Variants in KCP observed in about 807,000 individuals in gnomAD.
KCP encodes the protein kielin cysteine rich BMP regulator.
A neutral mutation model predicts 212.7 loss-of-function variants in KCP; 194 were observed. The ratio of observed to expected loss-of-function variants is 0.91; its 90% confidence interval spans 0.81 to 1.03. KCP has a LOEUF of 1.03. Ranked by LOEUF, KCP falls within the 50% of genes least tolerant of loss-of-function variation. The pLI is 0.00. For synonymous variants in KCP, 833 were observed against 865.3 expected, an observed-to-expected ratio of 0.96 and a Z score of 0.65; for missense variants, 2,080 against 2,162.5, an observed-to-expected ratio of 0.96 and a Z score of 0.76.
At chr7:128,890,189 G>A (rs1794000298) in intron 21 of KCP, 154 bp downstream of exon 21, 1 of 1,425,368 alleles carries the variant, frequency 7.0e-7, no homozygotes, top group Non-Finnish European at 9.5e-7. Flanking sequence ...CAAATTGTCG[G>A]GGTCACAGGC....
At position 128,879,621 on chromosome 7, in the gene KCP, C is replaced by T. The variant is rs191884883; in HGVS notation, c.4047G>A (p.Val1349=). The change falls in exon 37 of 40, where the codon GTG becomes GTA. Residue 1349 remains valine, a splice_region_variant and synonymous_variant. Transcript: ENST00000610776. The part of the protein sequence containing the change: ...VRLLQDGAVT[V]DGHPVALPFL... ...AGGGCAAGGCCACCGGGTGCCCATCCACCTGGAGGATAAAGGAGGTGGGAG... is the reference window on the plus strand; with the variant it reads ...AGGGCAAGGCCACCGGGTGCCCATCTACCTGGAGGATAAAGGAGGTGGGAG... 251 of 1,550,574 alleles carry T rather than the reference C, an allele frequency of 1.6e-4. No individual in the cohort carries two copies. In the African/African-American group the frequency reaches 3.2e-3, roughly 20 times the overall value.
In KCP at chr7:128,904,261, G is replaced by A. The variant is rs541902385; in HGVS notation, c.572-123C>T. On this transcript the variant is annotated intron_variant, in intron 5 of 39. Coordinates refer to ENST00000610776, the MANE Select transcript of KCP (RefSeq NM_001366122.1). The stretch of plus-strand genomic sequence containing the variant: ...TGGGGTTGAAGGGATGGCGGGGCAG[G>A]GCAGGACAGGGCAGGAGGTCACCGG... 2.2e-5 allele frequency: 34 copies of A among 1,547,692 alleles called. No individual in the cohort carries two copies. In the East Asian group the frequency reaches 7.3e-4, roughly 33 times the overall value.
chr7:128,891,025 G>C lies in KCP; in HGVS notation c.2044C>G (p.Pro682Ala), dbSNP rs1794084778. 1 of 1,349,322 alleles carries C rather than the reference G, an allele frequency of 7.4e-7. No homozygotes were observed. Among genetic ancestry groups the C allele is most frequent in the South Asian group, 1.9e-5 (1 of 53,210 alleles). 83.6% of individuals were successfully genotyped at this position (1,349,322 alleles called of 1,614,324 possible). A position where few individuals can be genotyped will look rare whatever the true frequency, so the allele number is the denominator to read the frequency against. ...HARHQEYFSP[P>A]GDPCRRCLCL... ...AGGCAGCGGCGGCAGGGATCGCCGGGCGGGGAGAAGTACTCCTGGTGGCGG... is the reference window on the plus strand; with the variant it reads ...AGGCAGCGGCGGCAGGGATCGCCGGCCGGGGAGAAGTACTCCTGGTGGCGG... The change falls in exon 20 of 40, where the codon CCC becomes GCC. Residue 682 changes from proline (P) to alanine (A), a missense_variant. Coordinates refer to ENST00000610776, the MANE Select transcript of KCP (RefSeq NM_001366122.1).
chr7:128,907,386 C>T lies in KCP; in HGVS notation c.287G>A (p.Cys96Tyr), dbSNP rs1795180794. The change falls in exon 3 of 40, where the codon TGC (cysteine) becomes TAC (tyrosine). Residue 96 changes from cysteine (C) to tyrosine (Y), a missense_variant. Transcript: ENST00000610776. ...SCECHPASPQ[C>Y]WGLGRAWPEG... ...GGGCCAGGCACGCCCCAGCCCCCAG[C>T]ACTGGGGAGATGCAGGGTGGCACTC... The T allele has an allele frequency of 1.3e-6, 2 of 1,535,152 alleles. No homozygotes were observed. The highest frequency in any genetic ancestry group is 2.4e-5 in the South Asian group (2 of 83,548).
At position 128,897,467 on chromosome 7, in the gene KCP, G is replaced by T. The variant is rs60264129; in HGVS notation, c.832-3174C>A. Reference sequence around the variant, plus strand: ...TTCTTTCGTCTGTGTATTTATATGTGTTGTGTGTGTGATGTTTATATAGAA... The same window carrying T: ...TTCTTTCGTCTGTGTATTTATATGTTTTGTGTGTGTGATGTTTATATAGAA... On this transcript the variant is annotated intron_variant, in intron 8 of 39. Transcript: ENST00000610776. Among the ~76,000 whole-genome samples the T allele has an allele frequency of 9.5e-3, 1,440 of 152,274 alleles. 29 individuals carry two copies. The highest frequency in any genetic ancestry group is 0.033 in the African/African-American group (1,357 of 41,540).
intron 38 of KCP, 40 bp downstream of exon 38, chr7:128,878,518 G>A (rs921498371): frequency 2.4e-5 from 37 of 1,525,926 alleles, no homozygotes; most frequent in Admixed American, 6.1e-5. Context: ...GCTCAGCTGC[G>A]TCTCCCCTAA....
chr7:128,901,022 T>C (rs1046111245), intron 8 of KCP, among the ~76,000 whole-genome samples: 1 of 152,150 alleles, frequency 6.6e-6, no homozygotes, highest in Non-Finnish European at 1.5e-5. Flanking sequence ...GCACAAGATA[T>C]AGGTCATAAA....
intron 5 of KCP, 172 bp from the exon 6 acceptor site, chr7:128,904,310 C>T: frequency 6.4e-7 from 1 of 1,552,330 alleles, no homozygotes; most frequent in Non-Finnish European, 8.7e-7. Context: ...GCAGCACTCC[C>T]CAGGTGGGGT....
Position 128,885,071 on chromosome 7 carries a change from C to T in KCP, c.3040+26G>A, listed in dbSNP as rs1033978248. 4.5e-6 allele frequency: 7 copies of T among 1,549,628 alleles called. No homozygotes were observed. The African/African-American group carries it at 9.6e-5, about 21-fold the overall frequency. The stretch of plus-strand genomic sequence containing the variant: ...GGCCCAGGGCTCCCTCCTCGCCTTT[C>T]CCCTCCCGCCCCAGGCTTCCAGTAC... On this transcript the variant is annotated intron_variant, in intron 27 of 39. Coordinates refer to ENST00000610776, the MANE Select transcript of KCP (RefSeq NM_001366122.1).
chr7:128,878,815 C>T (rs564492311), intron 37 of KCP, 93 bp from the exon 38 acceptor site: 8 of 1,287,512 alleles, frequency 6.2e-6, no homozygotes, highest in Middle Eastern at 2.1e-4. Flanking sequence ...GTGTTCAGTG[C>T]GGCCAGTGCT....
intron 8 of KCP, among the ~76,000 whole-genome samples, chr7:128,899,959 T>G (rs1440127687): frequency 7.4e-6 from 1 of 134,270 alleles, no homozygotes; most frequent in East Asian, 1.9e-4. Context: ...GTTTCTGACC[T>G]GTGGTAAGTA....
intron 8 of KCP, among the ~76,000 whole-genome samples, chr7:128,895,643 C>T (rs922694396): frequency 3.9e-5 from 6 of 152,124 alleles, no homozygotes; most frequent in East Asian, 1.9e-4. Flanking sequence ...CAAAAGAGGT[C>T]GGCACAAAAT....
intron 5 of KCP, among the ~76,000 whole-genome samples, chr7:128,905,917 GCCTCCTGTGC>G (rs1795098865): frequency 6.6e-6 from 1 of 152,074 alleles, no homozygotes; most frequent in Non-Finnish European, 1.5e-5. Flanking sequence ...GGCTTCCCCT[GCCTCCTGTGC>G]CCTCCTCTGG....
chr7:128,884,748 G>T, intron 28 of KCP, 33 bp downstream of exon 28: 1 of 1,546,246 alleles, frequency 6.5e-7, no homozygotes, highest in Non-Finnish European at 8.7e-7. Flanking sequence ...CCCCGACGAG[G>T]TGCCCCAGCC....
chr7:128,877,056 TG>T lies in KCP; in HGVS notation c.4873del (p.Gln1625ArgfsTer29). The T allele has an allele frequency of 6.5e-7, 1 of 1,529,914 alleles. No homozygotes were observed. The highest frequency in any genetic ancestry group is 2.3e-5 in the Admixed American group (1 of 43,348). The allele number at this position is 1,529,914 out of a possible 1,614,324, so 94.8% of individuals were successfully genotyped here. A position where few individuals can be genotyped will look rare whatever the true frequency, so the allele number is the denominator to read the frequency against. ...CACTGTCCTGGCTCAGGGTGTCTCC[TG>T]GGGCTCCCGGCTGGGGCTGGGCCGA... ...GARPSPSREP[Q>X]ETP On this transcript the variant is annotated frameshift_variant, in exon 40 of 40. Transcript: ENST00000610776. LOFTEE classifies it high-confidence loss of function.
At position 128,886,741 on chromosome 7, in the gene KCP, TG is replaced by T; in HGVS notation, c.2690-5del. 1.9e-6 allele frequency: 3 copies of T among 1,550,836 alleles called. No individual in the cohort carries two copies. ...TCCCGGCCCTGAGAGAGACAGCCTG[TG>T]GGGGACACACCTCCTGGGTGGGGGG... On this transcript the variant is annotated splice_polypyrimidine_tract_variant and splice_region_variant and intron_variant, in intron 24 of 39. Transcript: ENST00000610776.
chr7:128,894,714 C>T (rs1794413679), intron 8 of KCP, among the ~76,000 whole-genome samples: 1 of 152,180 alleles, frequency 6.6e-6, no homozygotes, highest in Non-Finnish European at 1.5e-5. Flanking sequence ...TCAAGCGATT[C>T]TCCTGCCTCA....
chr7:128,885,322 T>C, intron 26 of KCP, 52 bp from the exon 27 acceptor site: 2 of 1,494,000 alleles, frequency 1.3e-6, no homozygotes, highest in Non-Finnish European at 1.8e-6. Context: ...TCTGGACATC[T>C]GCTCCTGGCC....
chr7:128,877,282 C>A lies in KCP; in HGVS notation c.4648G>T (p.Val1550Leu). ...CAGGGTGGGCCGCACTCATCAAACACGAAGCCACGCTCCAGGGGGCAGCCT... is the reference window on the plus strand; with the variant it reads ...CAGGGTGGGCCGCACTCATCAAACAAGAAGCCACGCTCCAGGGGGCAGCCT... ...VVGCPLERGF[V>L]FDECGPPCPR... is the part of the protein sequence containing the mutation. Residue 1550 changes from valine to leucine, a missense_variant, in exon 40 of 40, where the codon GTG becomes TTG. Transcript: ENST00000610776. 1 of 1,509,880 alleles carries A rather than the reference C, an allele frequency of 6.6e-7. No individual in the cohort carries two copies. 93.5% of individuals were successfully genotyped at this position (1,509,880 alleles called of 1,614,324 possible).
Sources: gnomAD v4.1 joint callset for allele counts (sites outside exome capture counted in the v4.1 genomes callset) on GRCh38, gnomAD v4.1.1 for gene constraint, MANE v1.5 for transcripts, NCBI Gene and HGNC (gene_info 2026-07-23, HGNC 2026-07-21) for gene names.